The following AMBP variants were observed in gnomAD, a reference collection of about 807,000 sequenced individuals.
The protein encoded by AMBP is alpha-1-microglobulin/bikunin precursor.
In AMBP, 37 loss-of-function variants were observed where a neutral mutation model predicts 46.3. The observed-to-expected ratio is 0.80, with a 90% confidence interval of 0.61 to 1.05. AMBP has a LOEUF of 1.05. AMBP is among the 50% of genes least tolerant of loss of function. The pLI is 0.00. For missense variants in AMBP, 475 were observed against 461.2 expected (o/e 1.03, Z -0.27); for synonymous variants, 174 against 175.9 (o/e 0.99, Z 0.09).
Position 114,078,105 on chromosome 9 carries a change from G to A in AMBP, c.105C>T (p.Phe35=). 1 of 1,614,034 alleles carries A rather than the reference G, an allele frequency of 6.2e-7. No individual in the cohort carries two copies. Among genetic ancestry groups the A allele is most frequent in the Non-Finnish European group, 8.5e-7 (1 of 1,180,026 alleles). The change falls in exon 1 of 10, where the codon TTC becomes TTT. Residue 35 remains phenylalanine, a synonymous_variant. Transcript: ENST00000265132. ...GCGGCAGCCTTACCCGAGAGATATT[G>A]AAGTTTTCCTGCACTTGGATGTTGT... The part of the protein sequence containing the change: ...PPDNIQVQEN[F]NISRIYGKWY...
chr9:114,069,401 CT>C (rs1176025251), intron 6 of AMBP, among the ~76,000 whole-genome samples: 1 of 152,182 alleles, frequency 6.6e-6, no homozygotes, highest in African/African-American at 2.4e-5. Flanking sequence ...CTTTTAGGCA[CT>C]GTGCTAAGAA....
chr9:114,073,249 C>CTT (rs758485999), intron 4 of AMBP, among the ~76,000 whole-genome samples: 4 of 149,490 alleles, frequency 2.7e-5, no homozygotes, highest in African/African-American at 4.9e-5. Flanking sequence ...GGACTCTTCC[C>CTT]CTTTTTTTTT....
Position 114,074,166 on chromosome 9 carries a change from G to A in AMBP, c.338-14C>T, listed in dbSNP as rs1436381002. 6.2e-7 allele frequency: 1 copy of A among 1,604,898 alleles called. No homozygotes were observed. The highest frequency in any genetic ancestry group is 1.7e-5 in the Admixed American group (1 of 59,982). ...TTATGTTCCATTCTGCATGGGAGGT[G>A]CAGGCAGACCAAAGGGATCAGTGGT... On this transcript the variant is annotated splice_polypyrimidine_tract_variant and intron_variant, in intron 3 of 9. Transcript: ENST00000265132.
intron 9 of AMBP, among the ~76,000 whole-genome samples, 185 bp downstream of exon 9, chr9:114,060,738 ACT>A (rs1183617142): frequency 6.6e-6 from 1 of 151,724 alleles, no homozygotes; most frequent in East Asian, 1.9e-4. Flanking sequence ...CTGGCTAATA[ACT>A]CCCCAAGGCC....
At chr9:114,071,180 T>C (rs10982053) in intron 5 of AMBP, among the ~76,000 whole-genome samples, 40 of 152,330 alleles carry the variant, frequency 2.6e-4, no homozygotes, top group East Asian at 1.2e-3. Flanking sequence ...CTGCTGTGGC[T>C]GTGGACCCAG....
Position 114,076,638 on chromosome 9 carries a change from C to T in AMBP, c.220G>A (p.Ala74Thr), listed in dbSNP as rs141383606. 5.2e-5 allele frequency: 84 copies of T among 1,613,990 alleles called. 1 individual carries two copies. In the East Asian group the frequency reaches 1.6e-3, roughly 31 times the overall value. The change falls in exon 2 of 10, where the codon GCT (alanine) becomes ACT (threonine). Residue 74 changes from alanine to threonine, a missense_variant. Physicochemically the swap from Ala to Thr is moderately conservative, Grantham distance 58. Around this residue, in one of 3 missense-constraint regions of AMBP, gnomAD observed 179 missense variants for 167.4 expected, o/e 1.07. Transcript: ENST00000265132. Reference protein sequence around the residue: ...TVSTLVLGEGATEAEISMTST... With the variant: ...TVSTLVLGEGTTEAEISMTST... The stretch of plus-strand genomic sequence containing the variant: ...GTCATGCTGATCTCCGCCTCTGTAG[C>T]GCCCTCTCCCAGCACCAGCGTGCTC...
At chr9:114,062,009 A>G (rs1846644277) in intron 7 of AMBP, among the ~76,000 whole-genome samples, 1 of 152,080 alleles carries the variant, frequency 6.6e-6, no homozygotes. Context: ...ACCCTCCATA[A>G]AACTTTACCT....
intron 5 of AMBP, among the ~76,000 whole-genome samples, chr9:114,071,141 G>A (rs1015319292): frequency 1.3e-5 from 2 of 152,210 alleles, no homozygotes; most frequent in Non-Finnish European, 2.9e-5. Flanking sequence ...TGGTGGGATA[G>A]GAGCTCCCCA....
At chr9:114,067,165 T>A (rs1034891407) in intron 6 of AMBP, among the ~76,000 whole-genome samples, 7 of 152,276 alleles carry the variant, frequency 4.6e-5, no homozygotes, top group South Asian at 4.1e-4. Context: ...GGTCTCGATC[T>A]CCTGACCTCT....
rs1339015507 is a variant in AMBP, at chr9:114,074,979, C to T, written c.318G>A (p.Lys106=). The part of the protein sequence containing the change: ...GAYEKTDTDG[K]FLYHKSKWNI... ...ACTTACTGGATTTGTGATAGAGAAA[C>T]TTCCCATCAGTATCTGTTTTCTCAT... Residue 106 remains lysine, a synonymous_variant, in exon 3 of 10, where the codon AAG becomes AAA. Transcript: ENST00000265132. 1.9e-6 allele frequency: 3 copies of T among 1,614,078 alleles called. No individual in the cohort carries two copies. Among genetic ancestry groups the T allele is most frequent in the Non-Finnish European group, 2.5e-6 (3 of 1,179,986 alleles).
In AMBP at chr9:114,069,743, C is replaced by T; in HGVS notation, c.559G>A (p.Glu187Lys). 2 of 1,614,162 alleles carry T rather than the reference C, an allele frequency of 1.2e-6. No homozygotes were observed. The highest frequency in any genetic ancestry group is 1.7e-6 in the Non-Finnish European group (2 of 1,180,040). The part of the protein sequence containing the change: ...DSIFTMADRG[E>K]CVPGEQEPEP... The stretch of plus-strand genomic sequence containing the variant: ...GGTTCCTGCTCCCCAGGGACACATT[C>T]ACCTAGGTCACAGAGCAGGAGAGAG... The change falls in exon 6 of 10, where the codon GAA (glutamate) becomes AAA (lysine). Residue 187 changes from glutamate to lysine, a missense_variant and splice_region_variant. Around this residue, in one of 3 missense-constraint regions of AMBP, gnomAD observed 293 missense variants for 276.9 expected, o/e 1.06. Coordinates refer to ENST00000265132, the MANE Select transcript of AMBP (RefSeq NM_001633.4).
At chr9:114,062,570 C>CT (rs778021731) in intron 7 of AMBP, 107 bp downstream of exon 7, 17 of 1,155,042 alleles carry the variant, frequency 1.5e-5, no homozygotes, top group Non-Finnish European at 2.1e-5. Flanking sequence ...CCTTGAGTCT[C>CT]TAACAGATAA....
chr9:114,075,102 T>C (rs1846791827), intron 2 of AMBP, 66 bp from the exon 3 acceptor site: 1 of 1,318,462 alleles, frequency 7.6e-7, no homozygotes, highest in Admixed American at 1.8e-5. Context: ...CACTCAACCC[T>C]CCTGCAGGGC....
At chr9:114,076,166 T>C (rs527766538) in intron 2 of AMBP, among the ~76,000 whole-genome samples, 18 of 149,470 alleles carry the variant, frequency 1.2e-4, no homozygotes, top group African/African-American at 4.2e-4. Flanking sequence ...AGTAGAGAGG[T>C]TGTGGCAGAC....
intron 7 of AMBP, among the ~76,000 whole-genome samples, 196 bp downstream of exon 7, chr9:114,062,481 G>A (rs546007169): frequency 6.6e-6 from 1 of 152,182 alleles, no homozygotes; most frequent in Non-Finnish European, 1.5e-5. Context: ...AGCCCAGGAC[G>A]ATGCCTCATG....
rs148306648 is a variant in AMBP at position 114,060,286 on chromosome 9, G to C, written c.1028-16C>G. The C allele has an allele frequency of 8.5e-4, 1,363 of 1,612,860 alleles. 15 individuals carry two copies. The African/African-American group carries it at 0.017, about 20-fold the overall frequency. Reference sequence around the variant, plus strand: ...TCCTCATCACCTGTGGACACAGAGAGACTCAGGGAGGGGTCCGTAGGCAGG... The same window carrying C: ...TCCTCATCACCTGTGGACACAGAGACACTCAGGGAGGGGTCCGTAGGCAGG... On this transcript the variant is annotated splice_polypyrimidine_tract_variant and intron_variant, in intron 9 of 9. Coordinates refer to ENST00000265132, the MANE Select transcript of AMBP (RefSeq NM_001633.4).
chr9:114,067,768 G>A (rs529187514), intron 6 of AMBP, among the ~76,000 whole-genome samples: 10 of 152,098 alleles, frequency 6.6e-5, no homozygotes, highest in South Asian at 4.2e-4. Flanking sequence ...GAAGGAACAC[G>A]CGACCCAAGA....
intron 1 of AMBP, among the ~76,000 whole-genome samples, chr9:114,077,271 C>T (rs961162773): frequency 6.6e-6 from 1 of 152,220 alleles, no homozygotes; most frequent in African/African-American, 2.4e-5. Context: ...ATGTGCCCCA[C>T]ACCCTTTGCG....
intron 3 of AMBP, 48 bp from the exon 4 acceptor site, chr9:114,074,200 T>C: frequency 2.0e-6 from 3 of 1,497,414 alleles, no homozygotes; most frequent in South Asian, 1.1e-5. Flanking sequence ...GTCAGTAGAC[T>C]CTTCTAGCTG....
Sources: gnomAD v4.1 joint callset for allele counts (sites outside exome capture counted in the v4.1 genomes callset) on GRCh38, gnomAD v4.1.1 for gene constraint, gnomAD v4.1.1 regional missense constraint, MANE v1.5 for transcripts, NCBI Gene and HGNC (gene_info 2026-07-23, HGNC 2026-07-21) for gene names.